ME3: variants seen among roughly 807,000 people sequenced by gnomAD.
ME3 encodes malic enzyme 3.
ME3 carries 48 observed loss-of-function variants against 68.9 expected under a neutral mutation model. The ratio of observed to expected loss-of-function variants is 0.70; its 90% CI spans 0.55 to 0.89. The LOEUF (loss-of-function observed/expected upper bound fraction) is 0.89. Among genes scored for constraint, ME3 ranks in the 40% least tolerant of loss-of-function variants. ME3 has a pLI of 0.00. For synonymous variants in ME3, 320 were observed against 318.8 expected (o/e 1.00, Z -0.04); for missense variants, 675 against 797.4 (o/e 0.85, Z 1.85).
At chr11:86,534,066 GGTGTGTGT>G (rs747610946) in intron 4 of ME3, among the ~76,000 whole-genome samples, 51 of 48,956 alleles carry the variant, frequency 1.0e-3, no homozygotes, top group South Asian at 4.4e-3. Context: ...GTAAAAATGA[GGTGTGTGT>G]GTGTGTGTAT....
chr11:86,659,966 A>G (rs1054967740), intron 2 of ME3, among the ~76,000 whole-genome samples: 11 of 152,166 alleles, frequency 7.2e-5, no homozygotes, highest in Non-Finnish European at 1.3e-4. Context: ...TGTTGGGACA[A>G]AATCCTGAGA....
chr11:86,608,788 G>A (rs189563678), intron 2 of ME3, among the ~76,000 whole-genome samples: 6 of 152,306 alleles, frequency 3.9e-5, no homozygotes, highest in Non-Finnish European at 7.3e-5. Flanking sequence ...AGAAGAGGTA[G>A]TAACTGGTAT....
At chr11:86,548,143 A>T (rs1202582107) in intron 4 of ME3, among the ~76,000 whole-genome samples, 1 of 152,226 alleles carries the variant, frequency 6.6e-6, no homozygotes, top group African/African-American at 2.4e-5. Flanking sequence ...TCTGGATGCT[A>T]AAGTCCTAGG....
At chr11:86,616,484 A>G (rs960359228) in intron 2 of ME3, among the ~76,000 whole-genome samples, 3 of 152,212 alleles carry the variant, frequency 2.0e-5, no homozygotes, top group African/African-American at 7.2e-5. Context: ...TTTCCAAATC[A>G]TATCAATACT....
At chr11:86,524,652 T>A (rs1462055074) in intron 4 of ME3, among the ~76,000 whole-genome samples, 1 of 152,230 alleles carries the variant, frequency 6.6e-6, no homozygotes, top group Non-Finnish European at 1.5e-5. Flanking sequence ...CAGATAAACA[T>A]TTCTGGAGCT....
At chr11:86,487,800 T>C (rs548799694) in intron 6 of ME3, among the ~76,000 whole-genome samples, 1 of 152,358 alleles carries the variant, frequency 6.6e-6, no homozygotes, top group Non-Finnish European at 1.5e-5. Context: ...ACGTGAGGCC[T>C]GACGTGCACA....
intron 2 of ME3, among the ~76,000 whole-genome samples, chr11:86,569,299 C>T (rs1176921567): frequency 1.3e-5 from 2 of 152,184 alleles, no homozygotes; most frequent in Non-Finnish European, 2.9e-5. Context: ...CCGGCCTTTG[C>T]AGCCCTGTGT....
intron 2 of ME3, among the ~76,000 whole-genome samples, chr11:86,667,252 A>C (rs1946642087): frequency 6.6e-6 from 1 of 152,166 alleles, no homozygotes; most frequent in African/African-American, 2.4e-5. Context: ...GAGATGAAAA[A>C]ACTACAGAGA....
chr11:86,457,699 T>A (rs1216120282), intron 8 of ME3: 1 of 1,288,680 alleles, frequency 7.8e-7, no homozygotes, highest in African/African-American at 1.5e-5. Flanking sequence ...TCCAGGGATG[T>A]GCTGGAACAT....
chr11:86,447,539 C>T (rs1949381679), intron 11 of ME3, among the ~76,000 whole-genome samples: 3 of 152,012 alleles, frequency 2.0e-5, no homozygotes, highest in Non-Finnish European at 4.4e-5. Context: ...GAGAAATGCC[C>T]ATCTCATTGT....
intron 4 of ME3, among the ~76,000 whole-genome samples, chr11:86,544,360 CCAGGAG>C (rs1283412822): frequency 6.6e-6 from 1 of 152,094 alleles, no homozygotes; most frequent in African/African-American, 2.4e-5. Context: ...ATCAATGAAT[CCAGGAG>C]CTGGTTTTTT....
At chr11:86,514,580 G>C (rs917669333) in intron 4 of ME3, among the ~76,000 whole-genome samples, 3 of 152,188 alleles carry the variant, frequency 2.0e-5, no homozygotes, top group African/African-American at 7.2e-5. Flanking sequence ...AGAGAATGTA[G>C]CATAGACTAG....
At chr11:86,573,099 A>T (rs573543969) in intron 2 of ME3, among the ~76,000 whole-genome samples, 1 of 152,240 alleles carries the variant, frequency 6.6e-6, no homozygotes, top group East Asian at 1.9e-4. Flanking sequence ...GTCTGTTCAT[A>T]TACTTTGCCC....
chr11:86,650,853 A>G (rs1038623287), intron 2 of ME3, among the ~76,000 whole-genome samples: 10 of 152,206 alleles, frequency 6.6e-5, no homozygotes, highest in African/African-American at 2.4e-4. Context: ...AGCCAAGGAA[A>G]GGGGTGACAG....
chr11:86,672,377 G>T (rs1947013752), exon 1 of ME3: 1 of 162,320 alleles, frequency 6.2e-6, no homozygotes, highest in Non-Finnish European at 1.3e-5. Context: ...AGCAGGCGGG[G>T]TGAGGAGCTG....
At chr11:86,608,206 C>T (rs1276186571) in intron 2 of ME3, among the ~76,000 whole-genome samples, 1 of 152,132 alleles carries the variant, frequency 6.6e-6, no homozygotes, top group Non-Finnish European at 1.5e-5. Context: ...AGTTCAGCTG[C>T]AGCTCATTAT....
intron 4 of ME3, among the ~76,000 whole-genome samples, chr11:86,510,757 A>C (rs1459641838): frequency 6.6e-6 from 1 of 152,174 alleles, no homozygotes; most frequent in African/African-American, 2.4e-5. Flanking sequence ...ATTATCCCTG[A>C]TTTTAGAGCC....
chr11:86,582,773 A>T (rs1958516594), intron 2 of ME3, among the ~76,000 whole-genome samples: 1 of 152,024 alleles, frequency 6.6e-6, no homozygotes, highest in Non-Finnish European at 1.5e-5. Context: ...CCTAGAAGAA[A>T]ACCCCACGGG....
chr11:86,613,527 T>C (rs915304663), intron 2 of ME3, among the ~76,000 whole-genome samples: 1 of 152,126 alleles, frequency 6.6e-6, no homozygotes, highest in Non-Finnish European at 1.5e-5. Flanking sequence ...GGAAGTCAAA[T>C]TGTCTCTATC....
Sources: gnomAD v4.1 joint callset for allele counts (sites outside exome capture counted in the v4.1 genomes callset) on GRCh38, gnomAD v4.1.1 for gene constraint, MANE v1.5 for transcripts, NCBI Gene and HGNC (gene_info 2026-07-23, HGNC 2026-07-21) for gene names.